Variants in NKAIN2 observed in about 807,000 individuals in gnomAD.
The protein encoded by NKAIN2 is sodium/potassium-transporting ATPase subunit beta-1-interacting protein 2.
NKAIN2 carries 14 observed loss-of-function variants against 32.6 expected under a neutral mutation model. That is an observed-to-expected ratio of 0.43 (90% CI 0.28 to 0.67). The LOEUF (loss-of-function observed/expected upper bound fraction) is 0.67. Ranked by LOEUF, NKAIN2 falls within the 30% of genes least tolerant of loss-of-function variation. The pLI is 0.17. For missense variants in NKAIN2, 198 were observed against 258.3 expected, an observed-to-expected ratio of 0.77 and a Z score of 1.60; for synonymous variants, 80 against 87.2, an observed-to-expected ratio of 0.92 and a Z score of 0.46.
At chr6:124,415,687 C>A (rs1048645966) in intron 3 of NKAIN2, among the ~76,000 whole-genome samples, 1 of 152,070 alleles carries the variant, frequency 6.6e-6, no homozygotes, top group Admixed American at 6.6e-5. Context: ...CAGCCTTCAT[C>A]CTGAAGCTAC....
intron 3 of NKAIN2, among the ~76,000 whole-genome samples, chr6:124,600,475 TA>T (rs1782263685): frequency 6.6e-6 from 1 of 152,098 alleles, no homozygotes; most frequent in African/African-American, 2.4e-5. Flanking sequence ...AGAACCCTAC[TA>T]AAAATATCTG....
chr6:124,328,539 C>T (rs1321163571), intron 2 of NKAIN2, among the ~76,000 whole-genome samples: 1 of 152,172 alleles, frequency 6.6e-6, no homozygotes, highest in Non-Finnish European at 1.5e-5. Flanking sequence ...TGGAGATTTA[C>T]ATGCAGCAAG....
intron 4 of NKAIN2, among the ~76,000 whole-genome samples, chr6:124,715,556 C>T (rs753558521): frequency 1.2e-4 from 18 of 152,196 alleles, no homozygotes; most frequent in Non-Finnish European, 2.4e-4. Flanking sequence ...TGGTTTGACA[C>T]CATAGAACAG....
chr6:124,178,825 C>T (rs1205844283), intron 1 of NKAIN2, among the ~76,000 whole-genome samples: 2 of 152,070 alleles, frequency 1.3e-5, no homozygotes, highest in African/African-American at 2.4e-5. Flanking sequence ...ATATTCTGAG[C>T]ACAATGTGCT....
rs139922376 is a variant in NKAIN2, at chr6:124,260,814, T to C, written c.55-22191T>C. 2.0e-5 allele frequency among the ~76,000 whole-genome samples: 3 copies of C among 152,314 alleles called. No individual in the cohort carries two copies. In the East Asian group the frequency reaches 5.8e-4, roughly 29 times the overall value. On this transcript the variant is annotated intron_variant, in intron 1 of 6. Transcript: ENST00000368417. ...AGCTATTGTAGAGAAAATTTTGATA[T>C]AGTTGAGACCCATTGAATTCTAATT...
chr6:124,409,390 G>A (rs926188338), intron 3 of NKAIN2, among the ~76,000 whole-genome samples: 1 of 152,136 alleles, frequency 6.6e-6, no homozygotes, highest in Non-Finnish European at 1.5e-5. Context: ...TTTATTGAGA[G>A]TTTTTAGCAT....
chr6:124,058,409 G>C (rs1782769884), intron 1 of NKAIN2, among the ~76,000 whole-genome samples: 1 of 152,006 alleles, frequency 6.6e-6, no homozygotes, highest in African/African-American at 2.4e-5. Context: ...ATTTAGCAAT[G>C]AGTCTAGCAA....
intron 3 of NKAIN2, among the ~76,000 whole-genome samples, chr6:124,461,770 GAGA>G (rs1165537395): frequency 1.3e-5 from 2 of 151,758 alleles, no homozygotes; most frequent in African/African-American, 2.4e-5. Flanking sequence ...CCAGTAGTGG[GAGA>G]AGAACTGCCA....
intron 3 of NKAIN2, among the ~76,000 whole-genome samples, chr6:124,372,461 C>T (rs1216505810): frequency 6.6e-6 from 1 of 152,056 alleles, no homozygotes; most frequent in Non-Finnish European, 1.5e-5. Flanking sequence ...AAAAGCCAGT[C>T]TTTGAAATTC....
At chr6:123,889,153 C>T (rs990183820) in intron 1 of NKAIN2, among the ~76,000 whole-genome samples, 3 of 152,044 alleles carry the variant, frequency 2.0e-5, no homozygotes, top group African/African-American at 7.2e-5. Flanking sequence ...TTAGAAGAGT[C>T]ATTTATATCT....
chr6:123,856,923 C>G (rs1775576763), intron 1 of NKAIN2, among the ~76,000 whole-genome samples: 1 of 152,138 alleles, frequency 6.6e-6, no homozygotes, highest in Admixed American at 6.5e-5. Flanking sequence ...CAAAAGCATA[C>G]AAACAAACAA....
intron 3 of NKAIN2, among the ~76,000 whole-genome samples, chr6:124,484,406 T>C (rs1215281718): frequency 6.6e-6 from 1 of 152,176 alleles, no homozygotes; most frequent in Non-Finnish European, 1.5e-5. Flanking sequence ...TGACCTTATA[T>C]TTTGAAGCAG....
chr6:124,365,736 T>C (rs1799490996), intron 3 of NKAIN2, among the ~76,000 whole-genome samples: 1 of 152,002 alleles, frequency 6.6e-6, no homozygotes, highest in African/African-American at 2.4e-5. Flanking sequence ...CAAAGGCATA[T>C]AGAATATTCA....
chr6:124,537,227 A>G (rs1030749138), intron 3 of NKAIN2, among the ~76,000 whole-genome samples: 2 of 152,198 alleles, frequency 1.3e-5, no homozygotes, highest in African/African-American at 4.8e-5. Flanking sequence ...TCCTAAACTG[A>G]GAATTAGAAT....
At chr6:124,394,325 T>C (rs2114427523) in intron 3 of NKAIN2, among the ~76,000 whole-genome samples, 1 of 152,254 alleles carries the variant, frequency 6.6e-6, no homozygotes, top group South Asian at 2.1e-4. Flanking sequence ...TCTCAATGTC[T>C]TCACTCTTTT....
At chr6:124,692,090 T>A (rs1373462043) in intron 4 of NKAIN2, among the ~76,000 whole-genome samples, 1 of 152,230 alleles carries the variant, frequency 6.6e-6, no homozygotes, top group Non-Finnish European at 1.5e-5. Context: ...ACTTCTATTA[T>A]AAAATGTATT....
intron 1 of NKAIN2, among the ~76,000 whole-genome samples, chr6:123,813,442 T>A (rs929487005): frequency 4.6e-5 from 7 of 152,208 alleles, no homozygotes; most frequent in African/African-American, 1.7e-4. Context: ...GGGGATGATA[T>A]TAGGGTTTGT....
Position 124,635,811 on chromosome 6 carries a change from A to G in NKAIN2, c.274-22375A>G, listed in dbSNP as rs113448664. On this transcript the variant is annotated intron_variant, in intron 3 of 6. Coordinates refer to ENST00000368417, the MANE Select transcript of NKAIN2 (RefSeq NM_001040214.3). ...CATAAAGCAAATATTATTAGTGCCA[A>G]AGAGAGAAGTAGACTCCAATAAAAT... 6.7e-3 allele frequency among the ~76,000 whole-genome samples: 1,014 copies of G among 152,154 alleles called. 15 individuals carry two copies. The highest frequency in any genetic ancestry group is 0.023 in the African/African-American group (972 of 41,556).
intron 1 of NKAIN2, among the ~76,000 whole-genome samples, chr6:124,077,594 C>T (rs868085732): frequency 5.9e-4 from 90 of 151,690 alleles, no homozygotes; most frequent in African/African-American, 2.0e-3. Flanking sequence ...GTTTTTCTCA[C>T]TGGCAATGTG....
Sources: gnomAD v4.1 joint callset for allele counts (sites outside exome capture counted in the v4.1 genomes callset) on GRCh38, gnomAD v4.1.1 for gene constraint, MANE v1.5 for transcripts, NCBI Gene and HGNC (gene_info 2026-07-23, HGNC 2026-07-21) for gene names.